TTC3: variants seen among roughly 807,000 people sequenced by gnomAD.
TTC3 encodes the protein tetratricopeptide repeat domain 3.
Under a neutral mutation model 249.6 loss-of-function variants are expected in TTC3, and 180 were observed. The ratio of observed to expected loss-of-function variants is 0.72; its 90% CI spans 0.64 to 0.82. The LOEUF is 0.82. Ranked by LOEUF, TTC3 falls within the 40% of genes least tolerant of loss-of-function variation. The pLI is 0.00. For missense variants in TTC3, 2,061 were observed against 2,398.4 expected, an observed-to-expected ratio of 0.86 and a Z score of 2.94; for synonymous variants, 717 against 805.0, an observed-to-expected ratio of 0.89 and a Z score of 1.85.
intron 1 of TTC3, chr21:37,082,375 G>C (rs758412352): frequency 1.8e-4 from 91 of 500,816 alleles, no homozygotes; most frequent in Non-Finnish European, 2.3e-4. Context: ...CAATGTAGCT[G>C]TCACCTCATG....
chr21:37,089,141 C>T (rs1872749570), intron 5 of TTC3, among the ~76,000 whole-genome samples: 1 of 152,166 alleles, frequency 6.6e-6, no homozygotes, highest in South Asian at 2.1e-4. Context: ...GAACTTGTCA[C>T]AGAAAGTGGG....
Position 37,192,491 on chromosome 21 carries a change from T to TGTGTGTGTGTGTG in TTC3, c.5217+278_5217+279insGTGTGTGTGTGTG, listed in dbSNP as rs2084279228. Reference sequence around the variant, plus strand: ...ATGTTCCTTGGCCTGTCTTCTATCTTTGTGTGTGTGTGTGTGTGTGTGTGT... The same window carrying TGTGTGTGTGTGTG: ...ATGTTCCTTGGCCTGTCTTCTATCTTGTGTGTGTGTGTGTGTGTGTGTGTGTGTGTGTGTGTGT... On this transcript the variant is annotated intron_variant, in intron 41 of 45. Transcript: ENST00000355666. Among the ~76,000 whole-genome samples, 9 of 140,690 alleles carry TGTGTGTGTGTGTG rather than the reference T, an allele frequency of 6.4e-5. No homozygotes were observed. The East Asian group carries it at 1.7e-3, about 26-fold the overall frequency. The allele number at this position is 140,690 out of a possible 152,430, so 92.3% of individuals were successfully genotyped here.
chr21:37,165,381 A>G (rs924919060), intron 32 of TTC3, among the ~76,000 whole-genome samples, 169 bp from the exon 33 acceptor site: 2 of 152,186 alleles, frequency 1.3e-5, no homozygotes, highest in Non-Finnish European at 2.9e-5. Context: ...TCTTTATAGT[A>G]TCATTGATTG....
chr21:37,176,597 G>A (rs896754139), intron 35 of TTC3, among the ~76,000 whole-genome samples: 3 of 152,192 alleles, frequency 2.0e-5, no homozygotes, highest in Non-Finnish European at 4.4e-5. Flanking sequence ...TCAGTCATGG[G>A]TCCTTGTCAA....
intron 35 of TTC3, among the ~76,000 whole-genome samples, chr21:37,178,235 G>A (rs920694396): frequency 2.0e-5 from 3 of 152,076 alleles, no homozygotes; most frequent in African/African-American, 7.2e-5. Context: ...TGACATTTGC[G>A]TTCTTTCCAC....
intron 42 of TTC3, 90 bp downstream of exon 42, chr21:37,196,126 A>T: frequency 6.6e-7 from 1 of 1,509,966 alleles, no homozygotes; most frequent in Non-Finnish European, 8.9e-7. Flanking sequence ...TTAGGTGTTA[A>T]CATGAAAAGG....
At chr21:37,135,833 C>T (rs2077882784) in intron 18 of TTC3, among the ~76,000 whole-genome samples, 1 of 152,202 alleles carries the variant, frequency 6.6e-6, no homozygotes, top group Non-Finnish European at 1.5e-5. Flanking sequence ...CACCTCGTTT[C>T]ATTATGCTTT....
chr21:37,159,688 T>C lies in TTC3; in HGVS notation c.2993-11T>C. The C allele has an allele frequency of 6.2e-7, 1 of 1,612,860 alleles. No individual in the cohort carries two copies. The highest frequency in any genetic ancestry group is 8.5e-7 in the Non-Finnish European group (1 of 1,179,350). ...TAGTTTTCTCACAAAACCATCTGTA[T>C]ATTCCTACAGACAGCCGCTGTACTG... On this transcript the variant is annotated splice_polypyrimidine_tract_variant and intron_variant, in intron 28 of 45. Transcript: ENST00000355666.
At chr21:37,129,021 A>C (rs2077259817) in exon 16 of TTC3, 1 of 1,595,158 alleles carries the variant, frequency 6.3e-7, no homozygotes, top group South Asian at 1.1e-5. Flanking sequence ...CCAAAACATA[A>C]AGGAAAACAA....
intron 1 of TTC3, among the ~76,000 whole-genome samples, chr21:37,075,875 TA>T (rs1276867108): frequency 6.6e-6 from 1 of 152,208 alleles, no homozygotes; most frequent in Admixed American, 6.5e-5. Context: ...TAATTAAAAG[TA>T]TTTTTTTTCT....
chr21:37,138,698 G>A, exon 19 of TTC3: 1 of 1,610,246 alleles, frequency 6.2e-7, no homozygotes, highest in African/African-American at 1.3e-5. Flanking sequence ...TCTCTCCTTG[G>A]AATAGGACAG....
At chr21:37,117,627 T>C (rs1042563442) in intron 11 of TTC3, among the ~76,000 whole-genome samples, 2 of 152,080 alleles carry the variant, frequency 1.3e-5, no homozygotes, top group African/African-American at 4.8e-5. Flanking sequence ...CGCTCACTCC[T>C]GTAATCCCAG....
intron 11 of TTC3, among the ~76,000 whole-genome samples, chr21:37,112,672 T>G (rs2075778831): frequency 6.6e-6 from 1 of 152,048 alleles, no homozygotes; most frequent in African/African-American, 2.4e-5. Context: ...AAAGAGGGAA[T>G]CCTCCCTAAC....
At chr21:37,095,840 T>G (rs1297119358) in intron 9 of TTC3, among the ~76,000 whole-genome samples, 1 of 152,198 alleles carries the variant, frequency 6.6e-6, no homozygotes, top group African/African-American at 2.4e-5. Context: ...AGAGGGAACT[T>G]TTACAGGATA....
At chr21:37,195,927 C>A (rs1290194726) in exon 42 of TTC3, 2 of 1,614,058 alleles carry the variant, frequency 1.2e-6, no homozygotes, top group African/African-American at 1.3e-5. Context: ...TGTGGCTGAT[C>A]GGAAGCAGCC....
intron 17 of TTC3, among the ~76,000 whole-genome samples, chr21:37,133,426 A>C (rs575058173): frequency 6.6e-6 from 1 of 152,310 alleles, no homozygotes; most frequent in East Asian, 1.9e-4. Flanking sequence ...CATTTTTGAG[A>C]ATTTCTTAAA....
chr21:37,091,041 C>T (rs2147687422), intron 6 of TTC3, among the ~76,000 whole-genome samples: 1 of 152,208 alleles, frequency 6.6e-6, no homozygotes, highest in African/African-American at 2.4e-5. Context: ...GTAGTAATTG[C>T]AGAAGCATCT....
chr21:37,106,453 G>T (rs752767931), intron 10 of TTC3, among the ~76,000 whole-genome samples: 6 of 152,030 alleles, frequency 3.9e-5, no homozygotes, highest in Non-Finnish European at 8.8e-5. Flanking sequence ...CTCTTTTTGT[G>T]TTCTGTTTAT....
intron 1 of TTC3, among the ~76,000 whole-genome samples, chr21:37,084,730 C>T (rs1379806700): frequency 1.3e-5 from 2 of 152,342 alleles, no homozygotes; most frequent in African/African-American, 2.4e-5. Context: ...TGCGGTGGCT[C>T]ACGCCTGTAA....
Sources: gnomAD v4.1 joint callset for allele counts (sites outside exome capture counted in the v4.1 genomes callset) on GRCh38, gnomAD v4.1.1 for gene constraint, MANE v1.5 for transcripts, NCBI Gene and HGNC (gene_info 2026-07-23, HGNC 2026-07-21) for gene names.